EYS: variants seen among roughly 807,000 people sequenced by gnomAD.
EYS encodes the protein EGF-like photoreceptor maintenance factor, also known as protein eyes shut homolog.
Under a neutral mutation model 282.1 loss-of-function variants are expected in EYS, and 250 were observed. The observed-to-expected ratio is 0.89, with a 90% CI of 0.80 to 0.98. The LOEUF (loss-of-function observed/expected upper bound fraction) is 0.98, where lower values mean the gene tolerates loss of function less well. EYS is among the 50% of genes least tolerant of loss of function. The pLI is 0.00. For synonymous variants in EYS, 1,355 were observed against 1,282.9 expected (o/e 1.06, Z -1.20); for missense variants, 4,016 against 3,709.0 (o/e 1.08, Z -2.15).
At chr6:63,864,945 C>G (rs184069500) in intron 35 of EYS, among the ~76,000 whole-genome samples, 10 of 152,312 alleles carry the variant, frequency 6.6e-5, no homozygotes, top group Non-Finnish European at 1.0e-4. Flanking sequence ...TCTTACCTGC[C>G]AGGGAAGCAT....
At chr6:63,984,155 T>A (rs900768838) in intron 35 of EYS, among the ~76,000 whole-genome samples, 4 of 151,776 alleles carry the variant, frequency 2.6e-5, no homozygotes, top group African/African-American at 9.7e-5. Context: ...AGTTACCTAG[T>A]TACTGTCAGA....
intron 31 of EYS, among the ~76,000 whole-genome samples, chr6:64,104,829 T>G (rs1772952634): frequency 6.6e-6 from 1 of 151,852 alleles, no homozygotes; most frequent in African/African-American, 2.4e-5. Context: ...CTGTTTAGTC[T>G]TAAAATTGTT....
intron 12 of EYS, among the ~76,000 whole-genome samples, chr6:65,099,389 G>C (rs974509521): frequency 6.6e-6 from 1 of 150,706 alleles, no homozygotes; most frequent in Non-Finnish European, 1.5e-5. Flanking sequence ...TTGATAAACA[G>C]CAGGGAGTAA....
intron 31 of EYS, among the ~76,000 whole-genome samples, chr6:64,121,835 C>T (rs1291114452): frequency 6.6e-6 from 1 of 152,128 alleles, no homozygotes; most frequent in Non-Finnish European, 1.5e-5. Flanking sequence ...GCATTATGGA[C>T]TAATAAAGGG....
intron 1 of EYS, among the ~76,000 whole-genome samples, chr6:65,671,250 A>C (rs1408504478): frequency 6.6e-6 from 1 of 152,134 alleles, no homozygotes; most frequent in African/African-American, 2.4e-5. Context: ...CAGAACGATC[A>C]AATTTGTAAA....
intron 22 of EYS, among the ~76,000 whole-genome samples, chr6:64,777,156 A>G (rs1773705393): frequency 6.6e-6 from 1 of 152,190 alleles, no homozygotes; most frequent in Non-Finnish European, 1.5e-5. Flanking sequence ...TTCAAGAACT[A>G]CAATTCAAGA....
chr6:63,793,446 TTGAG>T (rs1562029028), intron 37 of EYS, among the ~76,000 whole-genome samples: 1 of 152,238 alleles, frequency 6.6e-6, no homozygotes, highest in Admixed American at 6.5e-5. Context: ...GAAAGATCAA[TTGAG>T]TAATTTTGGT....
At chr6:64,936,846 G>A (rs1768923095) in intron 15 of EYS, among the ~76,000 whole-genome samples, 2 of 151,232 alleles carry the variant, frequency 1.3e-5, no homozygotes, top group South Asian at 4.1e-4. Flanking sequence ...AATTCATATG[G>A]AAGTACAAGG....
intron 1 of EYS, among the ~76,000 whole-genome samples, chr6:65,698,146 C>G (rs1769525291): frequency 6.6e-6 from 1 of 152,014 alleles, no homozygotes; most frequent in Non-Finnish European, 1.5e-5. Flanking sequence ...ATTTGTCTGA[C>G]AAAGGTGCAT....
At chr6:64,857,372 G>T (rs1474337726) in intron 19 of EYS, among the ~76,000 whole-genome samples, 5 of 151,970 alleles carry the variant, frequency 3.3e-5, no homozygotes, top group Non-Finnish European at 5.9e-5. Flanking sequence ...GTCTTTCTGT[G>T]CCTGGCCTAT....
chr6:65,403,140 C>T (rs576024805), intron 6 of EYS, among the ~76,000 whole-genome samples: 1 of 152,012 alleles, frequency 6.6e-6, no homozygotes, highest in Non-Finnish European at 1.5e-5. Context: ...AATATCCTAG[C>T]TGAGACAAGT....
intron 39 of EYS, among the ~76,000 whole-genome samples, chr6:63,778,863 G>A (rs1158091732): frequency 6.6e-6 from 1 of 151,912 alleles, no homozygotes; most frequent in Non-Finnish European, 1.5e-5. Flanking sequence ...TTTTACATGC[G>A]ATAGCTAATA....
intron 5 of EYS, among the ~76,000 whole-genome samples, chr6:65,475,581 T>C (rs1369012884): frequency 1.3e-5 from 2 of 152,138 alleles, no homozygotes; most frequent in Non-Finnish European, 2.9e-5. Flanking sequence ...TTCTGAAAAG[T>C]ATAAGAAGGC....
At chr6:64,318,037 G>T (rs1437113942) in intron 29 of EYS, among the ~76,000 whole-genome samples, 1 of 152,050 alleles carries the variant, frequency 6.6e-6, no homozygotes, top group East Asian at 1.9e-4. Context: ...AGGGGGTGGG[G>T]GCCTCGGGGA....
chr6:64,975,656 A>G (rs1271945719), intron 14 of EYS, among the ~76,000 whole-genome samples: 1 of 151,866 alleles, frequency 6.6e-6, no homozygotes, highest in Non-Finnish European at 1.5e-5. Flanking sequence ...AAGAGTTAAT[A>G]GAATCACAGG....
chr6:65,234,599 TC>T (rs898673637), intron 12 of EYS, among the ~76,000 whole-genome samples: 5 of 152,208 alleles, frequency 3.3e-5, no homozygotes, highest in Admixed American at 6.5e-5. Context: ...ACATCTCCTT[TC>T]TTACCAATCA....
At chr6:64,353,946 T>C (rs537197213) in intron 29 of EYS, among the ~76,000 whole-genome samples, 53 of 151,608 alleles carry the variant, frequency 3.5e-4, no homozygotes, top group African/African-American at 1.3e-3. Context: ...AATTTGTAAA[T>C]ACAAAGAACA....
At chr6:63,840,209 A>AGCTTATTATTATTATTATTAT (rs748732292) in intron 36 of EYS, among the ~76,000 whole-genome samples, 65 of 60,624 alleles carry the variant, frequency 1.1e-3, no homozygotes, top group Admixed American at 7.4e-3. Context: ...CACCATGCCC[A>AGCTTATTATTATTATTATTAT]TCTTATTATT....
chr6:64,659,777 A>G (rs10944673), intron 22 of EYS, among the ~76,000 whole-genome samples: 96,967 of 151,652 alleles, frequency 0.64, 31,220 homozygotes, highest in African/African-American at 0.71. Context: ...GCAGGACCAG[A>G]TGGATTCACA....
Sources: allele counts gnomAD v4.1 joint callset (sites outside exome capture counted in the v4.1 genomes callset), GRCh38; gene constraint gnomAD v4.1.1; transcripts MANE v1.5; gene names NCBI Gene and HGNC (gene_info 2026-07-23, HGNC 2026-07-21).